The following CFAP36 variants were observed in gnomAD, a reference collection of about 807,000 sequenced individuals.
CFAP36 encodes cilia and flagella associated protein 36.
Under a neutral mutation model 50.5 loss-of-function variants are expected in CFAP36, and 37 were observed. The observed-to-expected ratio is 0.73, with a 90% confidence interval of 0.56 to 0.96. CFAP36 has a LOEUF of 0.96. Ranked by LOEUF, CFAP36 falls within the 50% of genes least tolerant of loss-of-function variation. CFAP36 has a pLI of 0.00. For missense variants in CFAP36, 407 were observed against 396.2 expected (o/e 1.03, Z -0.23); for synonymous variants, 138 against 128.2 (o/e 1.08, Z -0.52).
intron 3 of CFAP36, 123 bp from the exon 4 acceptor site, chr2:55,528,755 A>C (rs1684275657): frequency 3.4e-6 from 2 of 591,828 alleles, no homozygotes; most frequent in East Asian, 5.9e-5. Context: ...TGGGACATCT[A>C]ATCATAAATA....
At chr2:55,530,735 G>T (rs918398940) in intron 4 of CFAP36, among the ~76,000 whole-genome samples, 1 of 152,162 alleles carries the variant, frequency 6.6e-6, no homozygotes, top group Non-Finnish European at 1.5e-5. Flanking sequence ...ATTTCTTGCT[G>T]TGGTAACCTC....
chr2:55,525,369 A>G (rs1385856474), intron 3 of CFAP36, among the ~76,000 whole-genome samples: 1 of 152,128 alleles, frequency 6.6e-6, no homozygotes, highest in Non-Finnish European at 1.5e-5. Context: ...AAGTAGGAGC[A>G]TCACTTGAGC....
At chr2:55,535,547 C>T (rs1684458393) in intron 5 of CFAP36, among the ~76,000 whole-genome samples, 165 bp from the exon 6 acceptor site, 1 of 152,178 alleles carries the variant, frequency 6.6e-6, no homozygotes, top group Non-Finnish European at 1.5e-5. Context: ...GTATGTCTTT[C>T]CCAGTTGACT....
At chr2:55,541,884 CT>C (rs1470210936) in intron 7 of CFAP36, among the ~76,000 whole-genome samples, 1 of 152,098 alleles carries the variant, frequency 6.6e-6, no homozygotes, top group Non-Finnish European at 1.5e-5. Context: ...CTCTCTATTC[CT>C]AGTTTACTGA....
At chr2:55,544,489 T>TAGTATTAATCAGCAG in intron 9 of CFAP36, 120 bp downstream of exon 9, 1 of 899,962 alleles carries the variant, frequency 1.1e-6, no homozygotes, top group Non-Finnish European at 1.7e-6. Context: ...ATTAATCACC[T>TAGTATTAATCAGCAG]CCTAGTGCAG....
Position 55,535,701 on chromosome 2 carries a change from G to A in CFAP36, c.486-11G>A. ...AAATTTATCTTTTTATCTTATTTTT[G>A]TATATTTCAGAAAATCAAAAGAGGA... On this transcript the variant is annotated splice_polypyrimidine_tract_variant and intron_variant, in intron 5 of 9. Transcript: ENST00000349456. The A allele has an allele frequency of 6.6e-7, 1 of 1,517,524 alleles. No homozygotes were observed. The highest frequency in any genetic ancestry group is 8.8e-7 in the Non-Finnish European group (1 of 1,139,936). 94.0% of individuals were successfully genotyped at this position (1,517,524 alleles called of 1,614,324 possible). A position where few individuals can be genotyped will look rare whatever the true frequency, so the allele number is the denominator to read the frequency against.
intron 7 of CFAP36, among the ~76,000 whole-genome samples, chr2:55,538,473 T>C (rs1187820678): frequency 6.6e-6 from 1 of 152,044 alleles, no homozygotes; most frequent in East Asian, 1.9e-4. Context: ...TTTATATATT[T>C]AGTAGAGATG....
At chr2:55,533,199 G>C (rs1245311712) in intron 4 of CFAP36, among the ~76,000 whole-genome samples, 4 of 152,158 alleles carry the variant, frequency 2.6e-5, no homozygotes, top group Non-Finnish European at 5.9e-5. Flanking sequence ...TTTGAGAGCA[G>C]TTTCATTATT....
At chr2:55,522,692 C>G (rs899112384) in intron 2 of CFAP36, among the ~76,000 whole-genome samples, 3 of 152,100 alleles carry the variant, frequency 2.0e-5, no homozygotes, top group African/African-American at 7.2e-5. Context: ...CTCTGTGTTT[C>G]CCAGGCTGGT....
At chr2:55,532,771 A>T (rs1006223694) in intron 4 of CFAP36, among the ~76,000 whole-genome samples, 1 of 152,262 alleles carries the variant, frequency 6.6e-6, no homozygotes, top group Non-Finnish European at 1.5e-5. Context: ...TCCTACAGTC[A>T]TATGTGGATA....
chr2:55,528,030 T>C (rs62165178), intron 3 of CFAP36, among the ~76,000 whole-genome samples: 120,146 of 151,406 alleles, frequency 0.79, 49,209 homozygotes, highest in Non-Finnish European at 0.89. Flanking sequence ...ATTAGCAGGG[T>C]GATGTGGTAC....
intron 1 of CFAP36, 119 bp from the exon 2 acceptor site, chr2:55,521,971 AAAGATAAACCCT>A (rs2103630099): frequency 1.8e-6 from 1 of 541,676 alleles, no homozygotes; most frequent in South Asian, 2.5e-5. Context: ...TATATTTTTA[AAAGATAAACCCT>A]AAGAATTCAA....
intron 7 of CFAP36, among the ~76,000 whole-genome samples, chr2:55,542,556 A>T (rs916636643): frequency 6.6e-6 from 1 of 152,150 alleles, no homozygotes; most frequent in Non-Finnish European, 1.5e-5. Context: ...TGGCTTTCTG[A>T]TCTTCCCTTC....
At chr2:55,543,641 A>C (rs1171381512) in intron 7 of CFAP36, among the ~76,000 whole-genome samples, 1 of 152,168 alleles carries the variant, frequency 6.6e-6, no homozygotes, top group Non-Finnish European at 1.5e-5. Context: ...TGTAGTTCTA[A>C]TCTTTAGACA....
At chr2:55,540,323 G>T (rs953441081) in intron 7 of CFAP36, among the ~76,000 whole-genome samples, 1 of 152,146 alleles carries the variant, frequency 6.6e-6, no homozygotes, top group African/African-American at 2.4e-5. Flanking sequence ...TAAAGTTTGT[G>T]TCTAGATTCA....
At chr2:55,541,191 G>C (rs1451576628) in intron 7 of CFAP36, among the ~76,000 whole-genome samples, 1 of 152,036 alleles carries the variant, frequency 6.6e-6, no homozygotes, top group Non-Finnish European at 1.5e-5. Flanking sequence ...GGGCATCGTG[G>C]CAAGTTCCTG....
intron 1 of CFAP36, chr2:55,520,286 C>T: frequency 2.2e-6 from 2 of 913,388 alleles, no homozygotes; most frequent in Non-Finnish European, 1.6e-6. Flanking sequence ...GCTTCTTCAA[C>T]AGCTTTGCCA....
chr2:55,520,000 T>C (rs1304850323), intron 1 of CFAP36, 84 bp downstream of exon 1: 4 of 1,256,942 alleles, frequency 3.2e-6, no homozygotes, highest in Non-Finnish European at 4.6e-6. Flanking sequence ...ACAAGCCATC[T>C]CTCGTCTCCC....
chr2:55,533,291 T>G (rs1684398636), intron 4 of CFAP36, among the ~76,000 whole-genome samples: 1 of 152,236 alleles, frequency 6.6e-6, no homozygotes, highest in African/African-American at 2.4e-5. Flanking sequence ...CAAATTTTTG[T>G]TGCCATACAT....
Sources: gnomAD v4.1 joint callset for allele counts (sites outside exome capture counted in the v4.1 genomes callset) on GRCh38, gnomAD v4.1.1 for gene constraint, MANE v1.5 for transcripts, NCBI Gene and HGNC (gene_info 2026-07-23, HGNC 2026-07-21) for gene names.